SAMD5: variants seen among roughly 807,000 people sequenced by gnomAD.
The protein encoded by SAMD5 is sterile alpha motif domain containing 5.
A neutral mutation model predicts 11.3 loss-of-function variants in SAMD5; 13 were observed. That is an observed-to-expected ratio of 1.15 (90% CI 0.75 to 1.83). SAMD5 has a LOEUF of 1.83. Among genes scored for constraint, SAMD5 ranks in the 40% most tolerant of loss-of-function variants. The pLI, the probability that SAMD5 is intolerant of heterozygous loss-of-function variation, is 0.00. For synonymous variants in SAMD5, 129 were observed against 111.3 expected (o/e 1.16, Z -1.00); for missense variants, 255 against 239.1 (o/e 1.07, Z -0.44).
At chr6:147,652,535 A>G (rs1790500581) in intron 1 of SAMD5, among the ~76,000 whole-genome samples, 1 of 152,188 alleles carries the variant, frequency 6.6e-6, no homozygotes, top group African/African-American at 2.4e-5. Flanking sequence ...ATGGTGGTCT[A>G]GACATGTGAG....
intron 1 of SAMD5, among the ~76,000 whole-genome samples, chr6:147,615,876 T>C (rs1789859657): frequency 6.6e-6 from 1 of 152,180 alleles, no homozygotes; most frequent in Non-Finnish European, 1.5e-5. Flanking sequence ...ATTCCTTTAC[T>C]ATGATTCTGC....
At chr6:147,912,665 A>G in the SAMD5 span, among the ~76,000 whole-genome samples, 1 of 152,228 alleles carries the variant, frequency 6.6e-6, no homozygotes, top group Non-Finnish European at 1.5e-5. Flanking sequence ...ATTGGAAACT[A>G]TCTAGATGTC....
chr6:147,805,559 A>G, the SAMD5 span, among the ~76,000 whole-genome samples: 1 of 152,218 alleles, frequency 6.6e-6, no homozygotes, highest in East Asian at 1.9e-4. Context: ...CTTTGAAATC[A>G]TGTATTGTTT....
intron 1 of SAMD5, among the ~76,000 whole-genome samples, chr6:147,709,995 A>G (rs1383889319): frequency 6.6e-6 from 1 of 152,204 alleles, no homozygotes; most frequent in African/African-American, 2.4e-5. Flanking sequence ...AGGTCTACAA[A>G]GTGCTTTACG....
chr6:147,620,977 TGTGTGTGTGTGTGC>T (rs1052130984), intron 1 of SAMD5, among the ~76,000 whole-genome samples: 20 of 99,684 alleles, frequency 2.0e-4, no homozygotes, highest in African/African-American at 5.7e-4. Context: ...TGTGTGTGTG[TGTGTGTGTGTGTGC>T]GCGCGCGCAC....
At position 147,508,734 on chromosome 6, in the gene SAMD5, C is replaced by CT. The variant is rs1788030933; in HGVS notation, c.-193dup. ...GCTGCTTGGGGAATTCACTTTGCTG[C>CT]TTGTTCGCTTCTCCCTTCCTCAGGC... On this transcript the variant is annotated 5_prime_UTR_variant, in exon 1 of 2. Coordinates refer to ENST00000367474, the MANE Select transcript of SAMD5 (RefSeq NM_001030060.3). Among the ~76,000 whole-genome samples the CT allele has an allele frequency of 6.6e-6, 1 of 152,178 alleles. No homozygotes were observed. Among genetic ancestry groups the CT allele is most frequent in the African/African-American group, 2.4e-5 (1 of 41,474 alleles).
At chr6:147,790,949 T>C in the SAMD5 span, among the ~76,000 whole-genome samples, 2 of 151,888 alleles carry the variant, frequency 1.3e-5, no homozygotes, top group Non-Finnish European at 2.9e-5. Flanking sequence ...TTGTGTTAAG[T>C]ATTGTGTGTG....
At chr6:147,746,570 G>A in the SAMD5 span, among the ~76,000 whole-genome samples, 1 of 152,180 alleles carries the variant, frequency 6.6e-6, no homozygotes. Flanking sequence ...TCCAAGATGA[G>A]AAAGCAGTGT....
At chr6:147,669,808 C>T (rs1055746213) in intron 1 of SAMD5, among the ~76,000 whole-genome samples, 1 of 152,156 alleles carries the variant, frequency 6.6e-6, no homozygotes, top group Admixed American at 6.6e-5. Context: ...GTCTTGAACC[C>T]CTCAAAATCA....
chr6:147,704,925 G>C (rs1791305104), intron 1 of SAMD5, among the ~76,000 whole-genome samples: 1 of 152,200 alleles, frequency 6.6e-6, no homozygotes, highest in Admixed American at 6.5e-5. Flanking sequence ...GTCATCCCCA[G>C]GGGGCATCTG....
the SAMD5 span, among the ~76,000 whole-genome samples, chr6:147,896,631 A>G: frequency 7.2e-5 from 11 of 152,056 alleles, no homozygotes; most frequent in African/African-American, 2.2e-4. Flanking sequence ...TAAAGTAACA[A>G]TATTATTTAA....
Position 147,508,841 on chromosome 6 carries a change from G to A in SAMD5, c.-88G>A. The A allele has an allele frequency of 6.6e-7, 1 of 1,510,700 alleles. No homozygotes were observed. Among genetic ancestry groups the A allele is most frequent in the Non-Finnish European group, 8.8e-7 (1 of 1,134,436 alleles). 93.6% of individuals were successfully genotyped at this position (1,510,700 alleles called of 1,614,324 possible). A position where few individuals can be genotyped will look rare whatever the true frequency, so the allele number is the denominator to read the frequency against. On this transcript the variant is annotated 5_prime_UTR_variant, in exon 1 of 2. Coordinates refer to ENST00000367474, the MANE Select transcript of SAMD5 (RefSeq NM_001030060.3). ...ACTGCGATACCCTTTTCCCCTTGGA[G>A]GAGAGGATTAAAAGTTCCAAGAACT... is the stretch of plus-strand genomic sequence containing the variant.
the SAMD5 span, among the ~76,000 whole-genome samples, chr6:147,895,422 A>G: frequency 7.9e-5 from 12 of 152,190 alleles, no homozygotes; most frequent in Non-Finnish European, 1.3e-4. Flanking sequence ...CTAGCCATGT[A>G]TCAGGCTCCT....
At chr6:147,621,955 A>T (rs935940015) in intron 1 of SAMD5, among the ~76,000 whole-genome samples, 3 of 152,212 alleles carry the variant, frequency 2.0e-5, no homozygotes, top group African/African-American at 7.2e-5. Flanking sequence ...GAACGGATAA[A>T]ATGATTCTCA....
chr6:147,509,712 C>T (rs926276617), intron 1 of SAMD5, among the ~76,000 whole-genome samples: 1 of 152,110 alleles, frequency 6.6e-6, no homozygotes, highest in African/African-American at 2.4e-5. Flanking sequence ...TTCCTAACGC[C>T]CTCTATAGTA....
the SAMD5 span, among the ~76,000 whole-genome samples, chr6:147,778,877 A>G: frequency 6.6e-6 from 1 of 152,174 alleles, no homozygotes; most frequent in Non-Finnish European, 1.5e-5. Context: ...TGATGAGTAC[A>G]GGATAAGTGG....
At chr6:147,839,191 T>C in the SAMD5 span, among the ~76,000 whole-genome samples, 1 of 152,206 alleles carries the variant, frequency 6.6e-6, no homozygotes, top group Non-Finnish European at 1.5e-5. Flanking sequence ...CCCCTCATCC[T>C]GCACCAAACT....
chr6:147,647,001 A>G (rs1392684462), intron 1 of SAMD5, among the ~76,000 whole-genome samples: 1 of 146,570 alleles, frequency 6.8e-6, no homozygotes, highest in Non-Finnish European at 1.5e-5. Context: ...AATAATAATA[A>G]TAATAATAAT....
At chr6:147,911,144 G>T in the SAMD5 span, among the ~76,000 whole-genome samples, 143 of 152,298 alleles carry the variant, frequency 9.4e-4, no homozygotes, top group African/African-American at 3.3e-3. Context: ...TAAAATTGTG[G>T]AATGTTTTTC....
Sources: allele counts gnomAD v4.1 joint callset (sites outside exome capture counted in the v4.1 genomes callset), GRCh38; gene constraint gnomAD v4.1.1; transcripts MANE v1.5; gene names NCBI Gene and HGNC (gene_info 2026-07-23, HGNC 2026-07-21).